TRRAP: variants seen among roughly 807,000 people sequenced by gnomAD.
The protein encoded by TRRAP is transformation/transcription domain associated protein.
TRRAP carries 41 observed loss-of-function variants against 438.8 expected under a neutral mutation model. The ratio of observed to expected loss-of-function variants is 0.09; its 90% CI spans 0.07 to 0.12. The LOEUF (loss-of-function observed/expected upper bound fraction) is 0.12, where lower values mean the gene tolerates loss of function less well. Among genes scored for constraint, TRRAP ranks in the 10% least tolerant of loss-of-function variants. TRRAP has a pLI of 1.00. For synonymous variants in TRRAP, 1,994 were observed against 1,962.9 expected, an observed-to-expected ratio of 1.02 and a Z score of -0.42; for missense variants, 3,122 against 5,055.1, an observed-to-expected ratio of 0.62 and a Z score of 11.60.
At chr7:98,935,431 G>C (rs1790515922) in intron 27 of TRRAP, 148 bp from the exon 28 acceptor site, 1 of 612,864 alleles carries the variant, frequency 1.6e-6, no homozygotes, top group East Asian at 3.0e-5. Context: ...GTCATACTTT[G>C]ATACTTAAAA....
intron 4 of TRRAP, among the ~76,000 whole-genome samples, chr7:98,892,088 A>G (rs569939725): frequency 5.3e-5 from 8 of 152,272 alleles, no homozygotes; most frequent in Middle Eastern, 3.4e-3. Context: ...AACTATGTTC[A>G]GTTTGTGTTT....
In TRRAP at chr7:98,976,664, C is replaced by T. The variant is rs1285537205; in HGVS notation, c.8141C>T (p.Thr2714Met). The change falls in exon 55 of 73, where the codon ACG (threonine) becomes ATG (methionine). Residue 2714 changes from threonine (T) to methionine (M), a missense_variant. Transcript: ENST00000456197. This position sits in a 1 kb window ranked among gnomAD's most constrained non-coding sequence, Gnocchi z 4.6. ...ACACACAACCTCTGGTTCCGGTCCA[C>T]GCTGATGTTGGAGCACCAGGCTTTT... is the stretch of plus-strand genomic sequence containing the variant. Reference protein sequence around the residue: ...GKTHNLWFRSTLMLEHQAFEK... With the variant: ...GKTHNLWFRSMLMLEHQAFEK... The T allele has an allele frequency of 2.5e-6, 4 of 1,614,046 alleles. No homozygotes were observed. The highest frequency in any genetic ancestry group is 3.4e-6 in the Non-Finnish European group (4 of 1,180,044).
chr7:98,912,213 G>A lies in TRRAP; in HGVS notation c.2199G>A (p.Lys733=), dbSNP rs2116417008. 1 of 1,612,676 alleles carries A rather than the reference G, an allele frequency of 6.2e-7. No individual in the cohort carries two copies. The highest frequency in any genetic ancestry group is 1.1e-5 in the South Asian group (1 of 90,766). Reference sequence around the variant, plus strand: ...CAGCTGAAAATGAACAAATGCTGAAGGTAAAGTCCATTTAATCTAAGTAGT... The same window carrying A: ...CAGCTGAAAATGAACAAATGCTGAAAGTAAAGTCCATTTAATCTAAGTAGT... The part of the protein sequence containing the change: ...LFAAENEQML[K]PHLHKIVNSS... Residue 733 remains lysine (K), a splice_region_variant and synonymous_variant, in exon 18 of 73, where the codon AAG becomes AAA. Coordinates refer to ENST00000456197, the MANE Select transcript of TRRAP (RefSeq NM_001375524.1).
Position 98,892,435 on chromosome 7 carries a change from G to A in TRRAP, c.273G>A (p.Lys91=), listed in dbSNP as rs1227539345. Residue 91 remains lysine (K), a synonymous_variant, in exon 5 of 73, where the codon AAG becomes AAA. Coordinates refer to ENST00000456197, the MANE Select transcript of TRRAP (RefSeq NM_001375524.1). ...TTTTTTCTTGCCAGCAACTGCGGAA[G>A]CTCGTACTTGAAATAATTCATAGAA... The part of the protein sequence containing the change: ...LQEKPAQQLR[K]LVLEIIHRIP... 6.2e-7 allele frequency: 1 copy of A among 1,610,116 alleles called. No homozygotes were observed. Among genetic ancestry groups the A allele is most frequent in the Non-Finnish European group, 8.5e-7 (1 of 1,179,168 alleles).
chr7:98,904,483 CAA>C (rs59353514), intron 12 of TRRAP, among the ~76,000 whole-genome samples: 628 of 45,518 alleles, frequency 0.014, 3 homozygotes, highest in African/African-American at 0.038. Context: ...GACTCTGTCT[CAA>C]AAAAAAAAAA....
intron 6 of TRRAP, among the ~76,000 whole-genome samples, chr7:98,894,421 G>A (rs1256690083): frequency 6.6e-6 from 1 of 152,080 alleles, no homozygotes; most frequent in Admixed American, 6.6e-5. Flanking sequence ...TATCTTCTCT[G>A]GTGATAACCT....
chr7:98,969,106 A>G (rs1792289379), intron 51 of TRRAP, among the ~76,000 whole-genome samples: 2 of 152,180 alleles, frequency 1.3e-5, no homozygotes, highest in Non-Finnish European at 2.9e-5. Flanking sequence ...CGATGGAACC[A>G]TTTCCGTAGT....
rs6465726 is a variant in TRRAP at position 98,881,057 on chromosome 7, A to G, written c.-61-33A>G. On this transcript the variant is annotated intron_variant, in intron 1 of 72. Transcript: ENST00000456197. ...CAGAGATTGTGATCCTGTGCCCTCC[A>G]TAAATTGACTAACTCTATGCTTCTT... is the stretch of plus-strand genomic sequence containing the variant. The G allele has an allele frequency of 0.068, 69,414 of 1,019,080 alleles. 7,400 individuals carry two copies. The highest frequency in any genetic ancestry group is 0.45 in the African/African-American group (27,527 of 61,152). 63.1% of individuals were successfully genotyped at this position (1,019,080 alleles called of 1,614,324 possible).
In TRRAP at chr7:99,012,950, C is replaced by G. The variant is rs1376477349; in HGVS notation, c.*595C>G. 6.6e-6 allele frequency: 1 copy of G among 152,364 alleles called. No individual in the cohort carries two copies. Among genetic ancestry groups the G allele is most frequent in the Non-Finnish European group, 1.5e-5 (1 of 68,140 alleles). 9.4% of individuals were successfully genotyped at this position (152,364 alleles called of 1,614,324 possible). A position where few individuals can be genotyped will look rare whatever the true frequency, so the allele number is the denominator to read the frequency against. On this transcript the variant is annotated 3_prime_UTR_variant, in exon 73 of 73. Coordinates refer to ENST00000456197, the MANE Select transcript of TRRAP (RefSeq NM_001375524.1). This position sits in a 1 kb window ranked among gnomAD's most constrained non-coding sequence, Gnocchi z 5.9. ...GCCAGGCCACCCTGCGGGAGCGCCA[C>G]ACGCATCCACTTCGGATTCAGTGGG...
intron 6 of TRRAP, among the ~76,000 whole-genome samples, chr7:98,894,464 G>T (rs907734821): frequency 1.3e-5 from 2 of 152,052 alleles, no homozygotes; most frequent in African/African-American, 2.4e-5. Context: ...ATTTAAGGTA[G>T]AAATTAAATT....
intron 39 of TRRAP, among the ~76,000 whole-genome samples, chr7:98,952,302 A>G: frequency 6.6e-6 from 1 of 152,184 alleles, no homozygotes; most frequent in Non-Finnish European, 1.5e-5. Flanking sequence ...AACTGCAACA[A>G]TTTTTTGAAC....
chr7:98,886,974 A>C (rs1468717077), intron 3 of TRRAP, among the ~76,000 whole-genome samples: 1 of 152,200 alleles, frequency 6.6e-6, no homozygotes, highest in African/African-American at 2.4e-5. Context: ...CCATCATAGC[A>C]CACCACAGCA....
intron 40 of TRRAP, among the ~76,000 whole-genome samples, chr7:98,953,700 C>T (rs1019966322): frequency 1.3e-5 from 2 of 152,178 alleles, no homozygotes; most frequent in Admixed American, 1.3e-4. Context: ...TGGGAAGATG[C>T]AAACATTCCG....
At position 98,906,240 on chromosome 7, in the gene TRRAP, C is replaced by G; in HGVS notation, c.1100C>G (p.Ala367Gly). 1 of 1,613,666 alleles carries G rather than the reference C, an allele frequency of 6.2e-7. No homozygotes were observed. ...ATACTAATTGGCTCAGGATATACTG[C>G]CAGAGAGACTCTAAGGTATGAGATT... is the stretch of plus-strand genomic sequence containing the variant. ...ESILIGSGYT[A>G]RETLRPLAYS... is the part of the protein sequence containing the mutation. The change falls in exon 13 of 73, where the codon GCC becomes GGC. Residue 367 changes from alanine (A) to glycine (G), a missense_variant. This residue lies in a region of TRRAP where 343 missense variants were observed against 564.0 expected (regional missense o/e 0.61). Transcript: ENST00000456197.
At chr7:98,941,780 C>T (rs1790807979) in intron 30 of TRRAP, among the ~76,000 whole-genome samples, 1 of 152,144 alleles carries the variant, frequency 6.6e-6, no homozygotes, top group African/African-American at 2.4e-5. Flanking sequence ...AACACTGACT[C>T]CGCACGATGT....
At chr7:98,997,995 G>A (rs73397271) in intron 67 of TRRAP, among the ~76,000 whole-genome samples, 1,869 of 152,230 alleles carry the variant, frequency 0.012, 40 homozygotes, top group African/African-American at 0.043. Flanking sequence ...CCATCCAGTC[G>A]GTTACAGACT....
At chr7:98,882,368 T>C (rs1417073266) in intron 3 of TRRAP, among the ~76,000 whole-genome samples, 17 of 150,876 alleles carry the variant, frequency 1.1e-4, no homozygotes, top group Non-Finnish European at 2.2e-4. Context: ...TCTTTCTTTT[T>C]TTTTTTTTTT....
intron 67 of TRRAP, among the ~76,000 whole-genome samples, chr7:99,001,452 C>T (rs2116844586): frequency 6.6e-6 from 1 of 152,268 alleles, no homozygotes; most frequent in Non-Finnish European, 1.5e-5. Flanking sequence ...TGGTATTCAG[C>T]ATGCTTTTAT....
At position 98,915,605 on chromosome 7, in the gene TRRAP, A is replaced by T. The variant is rs1584306054; in HGVS notation, c.2200-118A>T. 15 of 1,286,206 alleles carry T rather than the reference A, an allele frequency of 1.2e-5. No homozygotes were observed. The East Asian group carries it at 3.6e-4, about 31-fold the overall frequency. The allele number at this position is 1,286,206 out of a possible 1,614,324, so 79.7% of individuals were successfully genotyped here. On this transcript the variant is annotated intron_variant, in intron 18 of 72. Transcript: ENST00000456197. ...TGCTTGTTTGGTTTTTTCCCTTTGG[A>T]GTAAACACATCAGAATTGCCTTCCA...
Sources: gnomAD v4.1 joint callset for allele counts (sites outside exome capture counted in the v4.1 genomes callset) on GRCh38, gnomAD v4.1.1 for gene constraint, gnomAD v4.1.1 regional missense constraint, Gnocchi (gnomAD v3.1) non-coding constraint, MANE v1.5 for transcripts, NCBI Gene and HGNC (gene_info 2026-07-23, HGNC 2026-07-21) for gene names.